Variants in FNDC3B observed in about 807,000 individuals in gnomAD.
FNDC3B encodes fibronectin type III domain-containing protein 3B.
FNDC3B carries 12 observed loss-of-function variants against 151.5 expected under a neutral mutation model. The ratio of observed to expected loss-of-function variants is 0.08; its 90% CI spans 0.05 to 0.13. The LOEUF is 0.13. FNDC3B is among the 10% of genes least tolerant of loss of function. The pLI is 1.00. For missense variants in FNDC3B, 1,214 were observed against 1,505.3 expected, an observed-to-expected ratio of 0.81 and a Z score of 3.20; for synonymous variants, 528 against 549.0, an observed-to-expected ratio of 0.96 and a Z score of 0.54.
At chr3:172,344,055 T>C in intron 18 of FNDC3B, 31 bp from the exon 19 acceptor site, 1 of 1,593,488 alleles carries the variant, frequency 6.3e-7, no homozygotes, top group Non-Finnish European at 8.6e-7. Flanking sequence ...GCACAAAGTG[T>C]TCTAAGATGA....
chr3:172,336,481 C>T (rs1426915640), intron 15 of FNDC3B, among the ~76,000 whole-genome samples: 1 of 152,196 alleles, frequency 6.6e-6, no homozygotes, highest in Non-Finnish European at 1.5e-5. Flanking sequence ...CCACATTCAC[C>T]TGGGATGCTG....
intron 6 of FNDC3B, among the ~76,000 whole-genome samples, chr3:172,283,951 A>G (rs1729872926): frequency 1.3e-5 from 2 of 152,136 alleles, no homozygotes; most frequent in South Asian, 2.1e-4. Context: ...CCATGATATT[A>G]CCACCAGCCC....
intron 6 of FNDC3B, among the ~76,000 whole-genome samples, chr3:172,257,830 C>A (rs1435528953): frequency 6.6e-6 from 1 of 152,120 alleles, no homozygotes; most frequent in Non-Finnish European, 1.5e-5. Flanking sequence ...AGGTGGGGCC[C>A]ACCAATCTAT....
At chr3:172,294,053 A>G (rs1208480116) in intron 7 of FNDC3B, among the ~76,000 whole-genome samples, 1 of 152,218 alleles carries the variant, frequency 6.6e-6, no homozygotes, top group East Asian at 1.9e-4. Context: ...CCAGATAGCA[A>G]TAGAATAGCC....
Position 172,397,714 on chromosome 3 carries a change from A to T in FNDC3B, c.*239A>T, listed in dbSNP as rs953443221. 7.0e-6 allele frequency: 2 copies of T among 284,198 alleles called. No homozygotes were observed. The highest frequency in any genetic ancestry group is 1.3e-5 in the Non-Finnish European group (2 of 156,252). 17.6% of individuals were successfully genotyped at this position (284,198 alleles called of 1,614,324 possible). A position where few individuals can be genotyped will look rare whatever the true frequency, so the allele number is the denominator to read the frequency against. On this transcript the variant is annotated 3_prime_UTR_variant, in exon 26 of 26. Coordinates refer to ENST00000415807, the MANE Select transcript of FNDC3B (RefSeq NM_022763.4). ...AAAAAAGAAGAAAAGTATACCAGAT[A>T]CCAAAAGCTAGCTTTCTTATGTTTT...
chr3:172,318,712 G>T (rs999910225), intron 11 of FNDC3B, among the ~76,000 whole-genome samples: 1 of 152,142 alleles, frequency 6.6e-6, no homozygotes, highest in Non-Finnish European at 1.5e-5. Context: ...AAGCCAGGAA[G>T]GTCAGCTTTC....
At chr3:172,291,979 T>C (rs1730365341) in intron 7 of FNDC3B, among the ~76,000 whole-genome samples, 1 of 152,144 alleles carries the variant, frequency 6.6e-6, no homozygotes, top group African/African-American at 2.4e-5. Flanking sequence ...CCAGGACACT[T>C]GGAGTAAATA....
At chr3:172,079,700 G>A (rs1369690670) in intron 1 of FNDC3B, among the ~76,000 whole-genome samples, 1 of 152,206 alleles carries the variant, frequency 6.6e-6, no homozygotes, top group East Asian at 1.9e-4. Context: ...TTTTTAAAGA[G>A]AGGTGCTGGG....
intron 1 of FNDC3B, among the ~76,000 whole-genome samples, chr3:172,103,838 G>A (rs1244700520): frequency 6.6e-6 from 1 of 152,138 alleles, no homozygotes; most frequent in Admixed American, 6.5e-5. Context: ...CAGACAAGAA[G>A]GCAAATTCCA....
chr3:172,237,715 CCTT>C (rs1407746350), intron 4 of FNDC3B: 4 of 152,194 alleles, frequency 2.6e-5, no homozygotes, highest in African/African-American at 9.7e-5. Context: ...TTAGCGAAAA[CCTT>C]CATTTTGATC....
At chr3:172,126,842 T>G (rs149907214) in intron 2 of FNDC3B, 3 of 291,112 alleles carry the variant, frequency 1.0e-5, no homozygotes, top group African/African-American at 6.5e-5. Context: ...TGGCTTTTGT[T>G]ATGATAATCT....
chr3:172,101,916 G>A (rs531179496), intron 1 of FNDC3B, among the ~76,000 whole-genome samples: 29 of 152,142 alleles, frequency 1.9e-4, no homozygotes, highest in Non-Finnish European at 4.1e-4. Flanking sequence ...CTGCATTTTG[G>A]TAAGGAAGCA....
At chr3:172,298,846 C>A in intron 9 of FNDC3B, 59 bp downstream of exon 9, 1 of 1,242,062 alleles carries the variant, frequency 8.1e-7, no homozygotes, top group Non-Finnish European at 1.1e-6. Flanking sequence ...AAAGCAAAAA[C>A]ATGTACTCCC....
chr3:172,102,272 A>G (rs1203090416), intron 1 of FNDC3B, among the ~76,000 whole-genome samples: 1 of 152,200 alleles, frequency 6.6e-6, no homozygotes, highest in Admixed American at 6.5e-5. Flanking sequence ...TTTTGATGCT[A>G]GGTAAGAATT....
intron 3 of FNDC3B, among the ~76,000 whole-genome samples, chr3:172,226,479 A>C (rs962387128): frequency 6.6e-5 from 10 of 152,184 alleles, no homozygotes; most frequent in African/African-American, 2.4e-4. Flanking sequence ...AGAATAAAAA[A>C]TAATTTTATA....
At chr3:172,138,548 A>G (rs566083371) in intron 3 of FNDC3B, among the ~76,000 whole-genome samples, 3 of 152,314 alleles carry the variant, frequency 2.0e-5, no homozygotes, top group African/African-American at 7.2e-5. Flanking sequence ...GAACTTTTAC[A>G]ATGACCCTAC....
At chr3:172,201,442 G>A (rs540944281) in intron 3 of FNDC3B, among the ~76,000 whole-genome samples, 5 of 152,260 alleles carry the variant, frequency 3.3e-5, no homozygotes, top group South Asian at 4.1e-4. Context: ...GGTGGAGTGG[G>A]CCTTTTAGTT....
intron 3 of FNDC3B, among the ~76,000 whole-genome samples, chr3:172,167,138 A>G (rs1408344130): frequency 1.3e-5 from 2 of 152,324 alleles, no homozygotes; most frequent in African/African-American, 4.8e-5. Context: ...GCTCACGCCT[A>G]TAATCCAAGC....
chr3:172,194,179 C>T (rs1441312447), intron 3 of FNDC3B, among the ~76,000 whole-genome samples: 1 of 151,998 alleles, frequency 6.6e-6, no homozygotes, highest in Admixed American at 6.5e-5. Context: ...GAGATCACGC[C>T]ACTGCACTCC....
Sources: allele counts gnomAD v4.1 joint callset (sites outside exome capture counted in the v4.1 genomes callset), GRCh38; gene constraint gnomAD v4.1.1; transcripts MANE v1.5; gene names NCBI Gene and HGNC (gene_info 2026-07-23, HGNC 2026-07-21).